Variants in SIDT1 observed in about 807,000 individuals in gnomAD.
SIDT1 encodes the protein SID1 transmembrane family, member 1.
Under a neutral mutation model 107.5 loss-of-function variants are expected in SIDT1, and 101 were observed. That is an observed-to-expected ratio of 0.94 (90% CI 0.80 to 1.11). The LOEUF (loss-of-function observed/expected upper bound fraction) is 1.11. SIDT1 is among the 50% of genes least tolerant of loss of function. The pLI is 0.00. For missense variants in SIDT1, 1,076 were observed against 1,058.2 expected (o/e 1.02, Z -0.23); for synonymous variants, 395 against 398.2 (o/e 0.99, Z 0.10).
At chr3:113,615,927 G>C (rs369818841) in intron 19 of SIDT1, 173 bp from the exon 20 acceptor site, 8 of 642,574 alleles carry the variant, frequency 1.2e-5, no homozygotes, top group Admixed American at 2.3e-5. Context: ...CCTCTATGAC[G>C]ATACCATTTT....
chr3:113,636,759 T>C, the SIDT1 span, among the ~76,000 whole-genome samples: 1 of 152,184 alleles, frequency 6.6e-6, no homozygotes, highest in Admixed American at 6.5e-5. Flanking sequence ...AGGAAGCAAA[T>C]AAGCATCATC....
chr3:113,623,353 A>C (rs1576993548), intron 21 of SIDT1, 74 bp from the exon 22 acceptor site: 14 of 905,784 alleles, frequency 1.5e-5, no homozygotes, highest in Non-Finnish European at 2.4e-5. Context: ...CCCTCAAGGG[A>C]CTGGGGGATT....
chr3:113,542,935 T>G (rs1345979436), intron 1 of SIDT1, among the ~76,000 whole-genome samples: 3 of 149,892 alleles, frequency 2.0e-5, no homozygotes, highest in Non-Finnish European at 4.4e-5. Flanking sequence ...TGTGTGTGTG[T>G]GTGTTTGTTT....
At chr3:113,624,007 C>T (rs1163558644) in intron 23 of SIDT1, among the ~76,000 whole-genome samples, 1 of 152,198 alleles carries the variant, frequency 6.6e-6, no homozygotes, top group Non-Finnish European at 1.5e-5. Flanking sequence ...GGATGCTTAA[C>T]GCGGTCAAAA....
chr3:113,608,191 C>A lies in SIDT1; in HGVS notation c.1576C>A (p.Leu526Met). The change falls in exon 16 of 25, where the codon CTG (leucine) becomes ATG (methionine). Residue 526 changes from leucine to methionine, a missense_variant. Leu to Met is a conservative substitution (Grantham distance 15). Transcript: ENST00000264852. ...LRRDILHRRA[L>M]EAKDIFAVEY... ...CCGCGACATCCTCCATCGGAGAGCC[C>A]TGGAAGCCAAGGACATCTTTGCTGT... The A allele has an allele frequency of 6.2e-7, 1 of 1,604,168 alleles. No homozygotes were observed. Among genetic ancestry groups the A allele is most frequent in the East Asian group, 2.2e-5 (1 of 44,748 alleles).
At chr3:113,615,035 C>G in intron 19 of SIDT1, 1 of 1,532,900 alleles carries the variant, frequency 6.5e-7, no homozygotes, top group South Asian at 1.2e-5. Flanking sequence ...TTTTTTTCTC[C>G]TTTCTTCTCT....
Position 113,591,674 on chromosome 3 carries a change from G to A in SIDT1, c.1002-1331G>A, listed in dbSNP as rs745851839. ...CGCACCACTGCACTCCAGCCTGGGC[G>A]ACAGAGCGAGACTCTGGGGATGAAA... On this transcript the variant is annotated intron_variant, in intron 9 of 24. Coordinates refer to ENST00000264852, the MANE Select transcript of SIDT1 (RefSeq NM_017699.3). 8.3e-4 allele frequency among the ~76,000 whole-genome samples: 126 copies of A among 152,318 alleles called. 3 individuals are homozygous for A. The highest frequency in any genetic ancestry group is 6.5e-4 in the Admixed American group (10 of 15,304).
At chr3:113,578,426 C>T (rs1943081206) in intron 4 of SIDT1, among the ~76,000 whole-genome samples, 1 of 149,072 alleles carries the variant, frequency 6.7e-6, no homozygotes, top group South Asian at 2.1e-4. Flanking sequence ...AAGATTGAGC[C>T]ACTGCACTCC....
At chr3:113,633,075 C>T (rs1268415149), downstream of SIDT1, 2 of 152,142 alleles carry the variant, frequency 1.3e-5, no homozygotes, top group Non-Finnish European at 2.9e-5. Context: ...AGATGTAAAG[C>T]CCTAATTGCT....
At chr3:113,543,131 G>A (rs1939135627) in intron 1 of SIDT1, among the ~76,000 whole-genome samples, 1 of 152,012 alleles carries the variant, frequency 6.6e-6, no homozygotes, top group African/African-American at 2.4e-5. Context: ...AGGAGAGACA[G>A]GGTTTCACCA....
At chr3:113,618,749 A>G (rs1946270351) in intron 20 of SIDT1, among the ~76,000 whole-genome samples, 1 of 152,204 alleles carries the variant, frequency 6.6e-6, no homozygotes, top group African/African-American at 2.4e-5. Flanking sequence ...TCTCTCCTAG[A>G]AGTTTTAAGT....
intron 24 of SIDT1, among the ~76,000 whole-genome samples, chr3:113,626,702 C>A (rs1262952850): frequency 6.6e-6 from 1 of 152,176 alleles, no homozygotes; most frequent in African/African-American, 2.4e-5. Context: ...TCCCAAATCT[C>A]TCCTGTAGTT....
chr3:113,562,160 C>A (rs532706782), intron 1 of SIDT1, among the ~76,000 whole-genome samples: 29 of 152,168 alleles, frequency 1.9e-4, no homozygotes, highest in African/African-American at 7.0e-4. Context: ...TGAGATGCAA[C>A]TTTACACCCA....
chr3:113,569,915 T>C (rs1398723456), intron 3 of SIDT1, among the ~76,000 whole-genome samples: 1 of 152,156 alleles, frequency 6.6e-6, no homozygotes, highest in Non-Finnish European at 1.5e-5. Flanking sequence ...TAATTTAATA[T>C]ATATTTTTTG....
chr3:113,614,189 C>T (rs1028095960), intron 19 of SIDT1, among the ~76,000 whole-genome samples: 7 of 152,234 alleles, frequency 4.6e-5, no homozygotes, highest in African/African-American at 7.2e-5. Flanking sequence ...GGGAGGACGC[C>T]GGCAAAATAA....
At chr3:113,535,597 G>A (rs949935437) in intron 1 of SIDT1, among the ~76,000 whole-genome samples, 10 of 152,130 alleles carry the variant, frequency 6.6e-5, no homozygotes, top group Non-Finnish European at 1.5e-5. Flanking sequence ...CACAGTAAAA[G>A]GTTGATGACC....
At chr3:113,605,122 C>CACTT in intron 14 of SIDT1, 146 bp downstream of exon 14, 5 of 306,986 alleles carry the variant, frequency 1.6e-5, no homozygotes, top group Non-Finnish European at 2.1e-5. Context: ...CTATTGCTTC[C>CACTT]TCTTTTTTTT....
rs76943614 is a variant in SIDT1 at position 113,611,601 on chromosome 3, G to A, written c.1857+457G>A. Among the ~76,000 whole-genome samples the A allele has an allele frequency of 5.3e-5, 8 of 152,320 alleles. No individual in the cohort carries two copies. The East Asian group carries it at 9.6e-4, about 18-fold the overall frequency. On this transcript the variant is annotated intron_variant, in intron 18 of 24. Transcript: ENST00000264852. ...CTCCCAAAGTGTTGGGATTACAGGC[G>A]TGAGCCACCGTGCCCGGCCTAGTTG... is the stretch of plus-strand genomic sequence containing the variant.
intron 20 of SIDT1, among the ~76,000 whole-genome samples, chr3:113,617,741 G>A (rs1946203275): frequency 6.6e-6 from 1 of 152,164 alleles, no homozygotes; most frequent in Non-Finnish European, 1.5e-5. Context: ...AATTGATAGA[G>A]GCTTCCTTTT....
Sources: gnomAD v4.1 joint callset for allele counts (sites outside exome capture counted in the v4.1 genomes callset) on GRCh38, gnomAD v4.1.1 for gene constraint, MANE v1.5 for transcripts, NCBI Gene and HGNC (gene_info 2026-07-23, HGNC 2026-07-21) for gene names.